TCF25: variants seen among roughly 807,000 people sequenced by gnomAD.
TCF25 encodes the protein ribosome quality control complex subunit TCF25.
Under a neutral mutation model 83.1 loss-of-function variants are expected in TCF25, and 41 were observed. The ratio of observed to expected loss-of-function variants is 0.49; its 90% CI spans 0.38 to 0.64. TCF25 has a LOEUF of 0.64. TCF25 is among the 30% of genes least tolerant of loss of function. TCF25 has a pLI of 0.00. For synonymous variants in TCF25, 458 were observed against 365.0 expected (o/e 1.25, Z -2.90); for missense variants, 979 against 914.5 (o/e 1.07, Z -0.91).
chr16:89,875,716 G>A (rs1465759951), intron 1 of TCF25, among the ~76,000 whole-genome samples: 2 of 148,954 alleles, frequency 1.3e-5, no homozygotes, highest in Non-Finnish European at 3.0e-5. Flanking sequence ...TAGAGATGGG[G>A]TTTCACCATG....
chr16:89,904,355 G>A, intron 13 of TCF25, 150 bp downstream of exon 13: 9 of 820,662 alleles, frequency 1.1e-5, no homozygotes, highest in African/African-American at 1.7e-5. Flanking sequence ...ATTTGACATG[G>A]GACGGCTCTG....
chr16:89,884,508 C>T (rs928462654), intron 2 of TCF25, 74 bp from the exon 3 acceptor site: 13 of 1,520,952 alleles, frequency 8.5e-6, no homozygotes, highest in Admixed American at 3.6e-5. Flanking sequence ...GGTGGAGTCA[C>T]GCTTGCTGCT....
At position 89,892,285 on chromosome 16, in the gene TCF25, T is replaced by C; in HGVS notation, c.697+10T>C. On this transcript the variant is annotated intron_variant, in intron 6 of 17. Transcript: ENST00000263346. ...CGCTACAGCAAACCAGGTGAGGGTC[T>C]GCAGATGCTGCTGGGGATGGAGGGT... 6.2e-7 allele frequency: 1 copy of C among 1,607,214 alleles called. No homozygotes were observed. Among genetic ancestry groups the C allele is most frequent in the Non-Finnish European group, 8.5e-7 (1 of 1,177,310 alleles).
chr16:89,883,806 G>A (rs148793130), intron 2 of TCF25: 192 of 302,836 alleles, frequency 6.3e-4, no homozygotes, highest in African/African-American at 3.1e-3. Context: ...CCTCCTAGCC[G>A]ACCGCGCACG....
At chr16:89,876,032 A>G (rs1412705082) in intron 1 of TCF25, among the ~76,000 whole-genome samples, 4 of 150,316 alleles carry the variant, frequency 2.7e-5, no homozygotes. Flanking sequence ...TGGTATTTAT[A>G]TTTGTGTTGG....
At chr16:89,891,208 C>T (rs1417728153) in intron 5 of TCF25, among the ~76,000 whole-genome samples, 1 of 152,210 alleles carries the variant, frequency 6.6e-6, no homozygotes, top group Non-Finnish European at 1.5e-5. Flanking sequence ...CTGGAGGCTT[C>T]CTTACTTGTT....
chr16:89,890,273 G>A (rs185420480), intron 5 of TCF25: 1 of 152,296 alleles, frequency 6.6e-6, no homozygotes, highest in South Asian at 2.1e-4. Context: ...ATGGTAGCAT[G>A]TGTCCAGATG....
At chr16:89,893,386 C>T (rs1191416448) in intron 6 of TCF25, among the ~76,000 whole-genome samples, 1 of 152,200 alleles carries the variant, frequency 6.6e-6, no homozygotes, top group Admixed American at 6.5e-5. Flanking sequence ...GGTCTGGGGA[C>T]AGTGCTCGGC....
intron 9 of TCF25, among the ~76,000 whole-genome samples, chr16:89,896,548 C>A (rs1019710003): frequency 7.1e-6 from 1 of 140,710 alleles, no homozygotes; most frequent in East Asian, 2.1e-4. Flanking sequence ...CTCAAAACAG[C>A]ATTTTTTTTT....
chr16:89,886,003 T>C (rs2144035188), intron 4 of TCF25, 37 bp downstream of exon 4: 1 of 1,562,610 alleles, frequency 6.4e-7, no homozygotes, highest in Middle Eastern at 1.7e-4. Flanking sequence ...TGCCCTTCTC[T>C]GCGGCTGCCC....
chr16:89,886,059 C>CCCTTCTCTGCGGCTGCCCTT (rs755239879), intron 4 of TCF25, 93 bp downstream of exon 4: 7 of 913,804 alleles, frequency 7.7e-6, no homozygotes, highest in African/African-American at 6.7e-5. Context: ...TCTGTGGCTG[C>CCCTTCTCTGCGGCTGCCCTT]CACAGAGACT....
chr16:89,902,672 T>G (rs1284915919), intron 12 of TCF25, among the ~76,000 whole-genome samples: 47 of 132,484 alleles, frequency 3.5e-4, no homozygotes, highest in African/African-American at 8.9e-4. Context: ...CTGGGCAACA[T>G]AGCGAGACTC....
At position 89,885,943 on chromosome 16, in the gene TCF25, G is replaced by A; in HGVS notation, c.525G>A (p.Lys175=). 2 of 1,605,918 alleles carry A rather than the reference G, an allele frequency of 1.2e-6. No homozygotes were observed. The highest frequency in any genetic ancestry group is 1.7e-6 in the Non-Finnish European group (2 of 1,179,610). Residue 175 remains lysine, a synonymous_variant, in exon 4 of 18, where the codon AAG becomes AAA. Coordinates refer to ENST00000263346, the MANE Select transcript of TCF25 (RefSeq NM_014972.3). ...RPGPAPLSSR[K]HVLYVEHRHL... is the part of the protein sequence containing the mutation. Reference sequence around the variant, plus strand: ...GCCCAGCTCCCCTGAGCTCCAGGAAGCACGTTCTCTACGTGGAGCACAGGT... The same window carrying A: ...GCCCAGCTCCCCTGAGCTCCAGGAAACACGTTCTCTACGTGGAGCACAGGT...
rs149095808 is a variant in TCF25 at position 89,905,008 on chromosome 16, G to A, written c.1540G>A (p.Ala514Thr). Residue 514 changes from alanine (A) to threonine (T), a missense_variant, in exon 14 of 18, where the codon GCC (alanine) becomes ACC (threonine). Physicochemically the swap from Ala to Thr is moderately conservative, Grantham distance 58 (BLOSUM62 0). Coordinates refer to ENST00000263346, the MANE Select transcript of TCF25 (RefSeq NM_014972.3). The part of the protein sequence containing the change: ...GRSHFLWKEP[A>T]TMSWLEENVH... ...GTCACACTTTCTCTGGAAAGAGCCC[G>A]CCACCATGAGCTGGCTGGAGGAGAA... 1.2e-4 allele frequency: 194 copies of A among 1,604,812 alleles called. 1 individual carries two copies. Among genetic ancestry groups the A allele is most frequent in the Middle Eastern group, 1.6e-4 (1 of 6,082 alleles).
At chr16:89,883,704 C>A (rs139883094) in intron 2 of TCF25, 192 bp downstream of exon 2, 8 of 634,096 alleles carry the variant, frequency 1.3e-5, no homozygotes, top group East Asian at 2.9e-5. Context: ...GGTCGCAGGC[C>A]TTTCTCCTGC....
In TCF25 at chr16:89,885,900, C is replaced by T. The variant is rs141462280; in HGVS notation, c.482C>T (p.Thr161Ile). Residue 161 changes from threonine (T) to isoleucine (I), a missense_variant, in exon 4 of 18, where the codon ACT (threonine) becomes ATT (isoleucine). Transcript: ENST00000263346. The stretch of plus-strand genomic sequence containing the variant: ...ATCCTAGAGAGGATTGAGGACAGCA[C>T]TGGGTTGAACCGTCCCGGCCCAGCT... ...DRILERIEDSTGLNRPGPAPL... is the reference protein window; with the variant it reads ...DRILERIEDSIGLNRPGPAPL... 17 of 1,613,888 alleles carry T rather than the reference C, an allele frequency of 1.1e-5. No individual in the cohort carries two copies. Among genetic ancestry groups the T allele is most frequent in the Non-Finnish European group, 1.4e-5 (16 of 1,179,968 alleles).
intron 1 of TCF25, among the ~76,000 whole-genome samples, chr16:89,875,965 C>T (rs1040749784): frequency 1.3e-5 from 2 of 151,560 alleles, no homozygotes; most frequent in African/African-American, 4.9e-5. Context: ...CATACCCTAC[C>T]ATGCTCAGCT....
rs984234922 is a variant in TCF25 at position 89,885,978 on chromosome 16, G to A, written c.548+12G>A. 23 of 1,580,920 alleles carry A rather than the reference G, an allele frequency of 1.5e-5. No individual in the cohort carries two copies. The highest frequency in any genetic ancestry group is 5.2e-5 in the Admixed American group (3 of 57,378). On this transcript the variant is annotated intron_variant, in intron 4 of 17. Coordinates refer to ENST00000263346, the MANE Select transcript of TCF25 (RefSeq NM_014972.3). ...TACGTGGAGCACAGGTGTGGCCCCC[G>A]CCCTTCTCTGCGGCTGCCCTTCTCT...
chr16:89,873,797 G>C lies in TCF25; in HGVS notation c.130G>C (p.Gly44Arg), dbSNP rs1187475839. ...AGAAGAAGGGCCCAAGCGGGAGCTT[G>C]GTGTCCGGCGTCCCGGGGGCGCAGG... is the stretch of plus-strand genomic sequence containing the variant. ...AEEEGPKREL[G>R]VRRPGGAGKE... Residue 44 changes from glycine (G) to arginine (R), a missense_variant, in exon 1 of 18, where the codon GGT (glycine) becomes CGT (arginine). Gly to Arg is a moderately radical substitution (Grantham distance 125). Transcript: ENST00000263346. 1 of 1,604,528 alleles carries C rather than the reference G, an allele frequency of 6.2e-7. No individual in the cohort carries two copies. The highest frequency in any genetic ancestry group is 8.5e-7 in the Non-Finnish European group (1 of 1,176,718).
Sources: gnomAD v4.1 joint callset for allele counts (sites outside exome capture counted in the v4.1 genomes callset) on GRCh38, gnomAD v4.1.1 for gene constraint, MANE v1.5 for transcripts, NCBI Gene and HGNC (gene_info 2026-07-23, HGNC 2026-07-21) for gene names.